The following RBFOX1 variants were observed in gnomAD, a reference collection of about 807,000 sequenced individuals.
The protein encoded by RBFOX1 is RNA binding fox-1 homolog 1.
In RBFOX1, 8 loss-of-function variants were observed where a neutral mutation model predicts 57.7. The ratio of observed to expected loss-of-function variants is 0.14; its 90% confidence interval spans 0.08 to 0.25. The LOEUF is 0.25. RBFOX1 is among the 10% of genes least tolerant of loss of function. The pLI, the probability that RBFOX1 is intolerant of heterozygous loss-of-function variation, is 1.00. For missense variants in RBFOX1, 611 were observed against 548.5 expected, an observed-to-expected ratio of 1.11 and a Z score of -1.14; for synonymous variants, 326 against 222.4, an observed-to-expected ratio of 1.47 and a Z score of -4.15.
chr16:7,031,501 C>T (rs554499277), intron 3 of RBFOX1, among the ~76,000 whole-genome samples: 2 of 151,774 alleles, frequency 1.3e-5, no homozygotes, highest in South Asian at 2.1e-4. Context: ...GAGGCTGAGG[C>T]AGGAGAATCA....
intron 4 of RBFOX1, among the ~76,000 whole-genome samples, chr16:7,360,686 C>T (rs1331665173): frequency 6.6e-6 from 1 of 152,220 alleles, no homozygotes; most frequent in Non-Finnish European, 1.5e-5. Context: ...TCCCTGGGAT[C>T]TGTTGTAAAT....
chr16:6,892,272 T>C (rs1180884741), intron 3 of RBFOX1, among the ~76,000 whole-genome samples: 2 of 152,188 alleles, frequency 1.3e-5, no homozygotes, highest in African/African-American at 4.8e-5. Context: ...GTAACGAATG[T>C]ATTTTAGACA....
At chr16:7,000,781 T>C (rs1304897490) in intron 3 of RBFOX1, among the ~76,000 whole-genome samples, 1 of 151,926 alleles carries the variant, frequency 6.6e-6, no homozygotes, top group Non-Finnish European at 1.5e-5. Context: ...ACTTTCTATA[T>C]TTTTAGTAGA....
Position 5,541,059 on chromosome 16 carries a change from G to T in RBFOX1, c.259-57843G>T, listed in dbSNP as rs111433202. On this transcript the variant is annotated intron_variant, in intron 2 of 2. Transcript: ENST00000585867. Reference sequence around the variant, plus strand: ...GAGATGGGGTTTCACCATGTTGGCCGGGCTGATCTCGAACCCCTGGCCTCA... The same window carrying T: ...GAGATGGGGTTTCACCATGTTGGCCTGGCTGATCTCGAACCCCTGGCCTCA... 6.0e-3 allele frequency among the ~76,000 whole-genome samples: 916 copies of T among 151,998 alleles called. 8 individuals carry two copies. The highest frequency in any genetic ancestry group is 0.029 in the South Asian group (141 of 4,806).
At chr16:5,940,282 A>G (rs956727783) in intron 4 of RBFOX1, among the ~76,000 whole-genome samples, 1 of 152,116 alleles carries the variant, frequency 6.6e-6, no homozygotes, top group Non-Finnish European at 1.5e-5. Context: ...CCTAAGTTAA[A>G]TTCAGTATTT....
chr16:5,847,945 G>T (rs192957807), intron 3 of RBFOX1, among the ~76,000 whole-genome samples: 28 of 152,264 alleles, frequency 1.8e-4, no homozygotes, highest in African/African-American at 6.5e-4. Flanking sequence ...GCATTGTCTG[G>T]TCTTTGAGGA....
In RBFOX1 at chr16:6,718,858, T is replaced by G. The variant is rs111972934; in HGVS notation, c.-16+64208T>G. ...TCTTTCTTTTTTTCTTATCTTTTTT[T>G]TTGTTGTTGTTGCTTGTTTTTTGAG... On this transcript the variant is annotated intron_variant, in intron 3 of 15. Coordinates refer to ENST00000550418, the MANE Select transcript of RBFOX1 (RefSeq NM_018723.4). 7.3e-3 allele frequency among the ~76,000 whole-genome samples: 1,110 copies of G among 152,226 alleles called. 9 individuals carry two copies. The highest frequency in any genetic ancestry group is 0.047 in the East Asian group (241 of 5,176).
intron 4 of RBFOX1, among the ~76,000 whole-genome samples, chr16:7,149,639 C>T (rs2075739561): frequency 1.3e-5 from 2 of 151,978 alleles, no homozygotes; most frequent in African/African-American, 4.8e-5. Context: ...GTGCACACCA[C>T]CGTGCCCAGC....
At chr16:7,140,184 CTCTCTCT>C (rs2073338322) in intron 4 of RBFOX1, among the ~76,000 whole-genome samples, 1 of 144,962 alleles carries the variant, frequency 6.9e-6, no homozygotes, top group South Asian at 2.3e-4. Flanking sequence ...CTCTCTCTCT[CTCTCTCT>C]CTCCCTCCTT....
chr16:5,995,246 AT>A (rs1242533910), intron 4 of RBFOX1, among the ~76,000 whole-genome samples: 1 of 152,184 alleles, frequency 6.6e-6, no homozygotes, highest in Non-Finnish European at 1.5e-5. Context: ...GTGGGAAAGC[AT>A]TTGCGTTGCT....
intron 3 of RBFOX1, among the ~76,000 whole-genome samples, chr16:5,758,257 A>G (rs539045120): frequency 2.0e-5 from 3 of 152,136 alleles, no homozygotes; most frequent in Non-Finnish European, 2.9e-5. Flanking sequence ...GGGGGGAAAA[A>G]GTTGAAGGCG....
rs111644080 is a variant in RBFOX1, at chr16:5,243,512, C to T, written c.219+3407C>T. Reference sequence around the variant, plus strand: ...GACCATTCGTGGTGCTGGTGGGGGCCGTCCCGTGTATTGTAGGATGGTTAG... The same window carrying T: ...GACCATTCGTGGTGCTGGTGGGGGCTGTCCCGTGTATTGTAGGATGGTTAG... On this transcript the variant is annotated intron_variant, in intron 1 of 2. Coordinates refer to the RBFOX1 transcript ENST00000585867. Among the ~76,000 whole-genome samples, 431 of 152,140 alleles carry T rather than the reference C, an allele frequency of 2.8e-3. 1 individual carries two copies. The highest frequency in any genetic ancestry group is 9.3e-3 in the African/African-American group (388 of 41,506).
chr16:5,781,276 A>C (rs868486870), intron 3 of RBFOX1, among the ~76,000 whole-genome samples: 1 of 152,276 alleles, frequency 6.6e-6, no homozygotes, highest in Middle Eastern at 3.4e-3. Flanking sequence ...TACAGTTTCA[A>C]TTTGCTTAGA....
At position 5,629,606 on chromosome 16, in the gene RBFOX1, C is replaced by A. The variant is rs74004433; in HGVS notation, c.318+30645C>A. ...GCTTAGGACCAATGCCTTCTGGTTT[C>A]CACAAGAGATCTTGTCCGTGGTGCC... is the stretch of plus-strand genomic sequence containing the variant. On this transcript the variant is annotated intron_variant, in intron 3 of 19. Transcript: ENST00000641259. Among the ~76,000 whole-genome samples the A allele has an allele frequency of 9.9e-3, 1,512 of 152,324 alleles. 29 individuals are homozygous for A. The East Asian group carries it at 0.1, about 10-fold the overall frequency.
At chr16:5,364,701 T>C (rs916872205) in intron 1 of RBFOX1, among the ~76,000 whole-genome samples, 1 of 152,200 alleles carries the variant, frequency 6.6e-6, no homozygotes, top group Non-Finnish European at 1.5e-5. Context: ...CTGCTTCTCT[T>C]TAGGAATCTC....
chr16:7,305,021 G>C (rs999584547), intron 4 of RBFOX1, among the ~76,000 whole-genome samples: 9 of 151,064 alleles, frequency 6.0e-5, no homozygotes, highest in African/African-American at 2.2e-4. Flanking sequence ...TGAATTTCTG[G>C]AGTGTGTCAG....
At chr16:6,357,974 A>AG (rs1305345840) in intron 2 of RBFOX1, among the ~76,000 whole-genome samples, 2 of 151,738 alleles carry the variant, frequency 1.3e-5, no homozygotes, top group Non-Finnish European at 2.9e-5. Context: ...AAAAAAAAAA[A>AG]AAAAGAAATT....
chr16:5,552,943 C>G (rs1399047372), intron 2 of RBFOX1, among the ~76,000 whole-genome samples: 3 of 152,024 alleles, frequency 2.0e-5, no homozygotes, highest in Non-Finnish European at 2.9e-5. Flanking sequence ...GTATGGAATA[C>G]TATGCAGCCA....
At chr16:7,121,885 C>T (rs1475886779) in intron 4 of RBFOX1, among the ~76,000 whole-genome samples, 1 of 151,936 alleles carries the variant, frequency 6.6e-6, no homozygotes, top group East Asian at 1.9e-4. Flanking sequence ...ACAAAATATA[C>T]TTAATTAAAT....
Sources: gnomAD v4.1 joint callset for allele counts (sites outside exome capture counted in the v4.1 genomes callset) on GRCh38, gnomAD v4.1.1 for gene constraint, MANE v1.5 for transcripts, NCBI Gene and HGNC (gene_info 2026-07-23, HGNC 2026-07-21) for gene names.